The following VWC2L variants were observed in gnomAD, a reference collection of about 807,000 sequenced individuals.
VWC2L encodes von Willebrand factor C domain containing 2 like.
In VWC2L, 10 loss-of-function variants were observed where a neutral mutation model predicts 21.6. The ratio of observed to expected loss-of-function variants is 0.46; its 90% CI spans 0.29 to 0.78. The LOEUF (loss-of-function observed/expected upper bound fraction) is 0.78. VWC2L is among the 30% of genes least tolerant of loss of function. The pLI, the probability that VWC2L is intolerant of heterozygous loss-of-function variation, is 0.10. For missense variants in VWC2L, 209 were observed against 277.1 expected (o/e 0.75, Z 1.74); for synonymous variants, 96 against 94.3 (o/e 1.02, Z -0.10).
intron 3 of VWC2L, among the ~76,000 whole-genome samples, chr2:214,514,522 C>A (rs1220405785): frequency 6.6e-6 from 1 of 152,122 alleles, no homozygotes; most frequent in East Asian, 1.9e-4. Flanking sequence ...ATTTTTACAA[C>A]TAAATCCCAC....
intron 2 of VWC2L, among the ~76,000 whole-genome samples, chr2:214,426,812 A>G: frequency 6.6e-6 from 1 of 152,202 alleles, no homozygotes; most frequent in East Asian, 1.9e-4. Context: ...TATTTCCTAT[A>G]TTGTTGAATG....
In VWC2L at chr2:214,414,158, T is replaced by C. The variant is rs1215891957; in HGVS notation, c.-36T>C. On this transcript the variant is annotated 5_prime_UTR_variant, in exon 2 of 4. Transcript: ENST00000312504. ...CATGGAAGGAGCTGAGTATATTTAA[T>C]ATTAGGAGCACATCCAGAAGTCTTT... The C allele has an allele frequency of 1.3e-6, 2 of 1,580,284 alleles. No individual in the cohort carries two copies. Among genetic ancestry groups the C allele is most frequent in the Non-Finnish European group, 1.7e-6 (2 of 1,171,612 alleles).
At chr2:214,545,903 T>C (rs1382649360) in intron 3 of VWC2L, among the ~76,000 whole-genome samples, 1 of 152,182 alleles carries the variant, frequency 6.6e-6, no homozygotes, top group Non-Finnish European at 1.5e-5. Context: ...GTTCAAATTT[T>C]ACACACTACA....
At chr2:214,417,181 A>C (rs937884550) in intron 2 of VWC2L, among the ~76,000 whole-genome samples, 8 of 152,142 alleles carry the variant, frequency 5.3e-5, no homozygotes, top group African/African-American at 1.7e-4. Context: ...TCAATTAGGG[A>C]GGTTGTATTA....
At chr2:214,477,406 T>C (rs1358193164) in intron 3 of VWC2L, among the ~76,000 whole-genome samples, 1 of 152,270 alleles carries the variant, frequency 6.6e-6, no homozygotes, top group African/African-American at 2.4e-5. Context: ...ATAGGACTTA[T>C]ATCTCTGGTA....
intron 3 of VWC2L, among the ~76,000 whole-genome samples, chr2:214,516,509 T>G (rs72943384): frequency 1.3e-5 from 2 of 152,200 alleles, no homozygotes; most frequent in East Asian, 3.8e-4. Context: ...AGAAAGCTAA[T>G]AGGCTCAATA....
intron 3 of VWC2L, among the ~76,000 whole-genome samples, chr2:214,481,965 A>G (rs1192391611): frequency 6.6e-6 from 1 of 152,214 alleles, no homozygotes; most frequent in Non-Finnish European, 1.5e-5. Flanking sequence ...AAGGAAGACA[A>G]TGCAATTAAC....
rs574473587 is a variant in VWC2L, at chr2:214,471,945, G to A, written c.520+35187G>A. Among the ~76,000 whole-genome samples the A allele has an allele frequency of 1.2e-4, 18 of 152,194 alleles. 1 individual carries two copies. Among genetic ancestry groups the A allele is most frequent in the South Asian group, 8.3e-4 (4 of 4,818 alleles). On this transcript the variant is annotated intron_variant, in intron 3 of 3. Transcript: ENST00000312504. ...CAAGGGCACCTGCCTTTAGGCCTAC[G>A]TAAATTAAGGGACTCAGACAATCTG...
intron 3 of VWC2L, among the ~76,000 whole-genome samples, chr2:214,538,802 A>C (rs936285068): frequency 2.0e-5 from 3 of 152,052 alleles, no homozygotes; most frequent in Non-Finnish European, 4.4e-5. Context: ...GTACTTTGTC[A>C]ATTTTAAGTT....
At chr2:214,533,345 A>T (rs1453226328) in intron 3 of VWC2L, among the ~76,000 whole-genome samples, 1 of 152,088 alleles carries the variant, frequency 6.6e-6, no homozygotes, top group Non-Finnish European at 1.5e-5. Context: ...TAATTGAACA[A>T]GCCTGCAGCT....
chr2:214,430,359 G>T (rs1000725941), intron 2 of VWC2L, among the ~76,000 whole-genome samples: 1 of 152,002 alleles, frequency 6.6e-6, no homozygotes, highest in Admixed American at 6.6e-5. Context: ...TAGTAGTACC[G>T]CCAGTTATTC....
chr2:214,493,075 T>TG (rs1460747550), intron 3 of VWC2L, among the ~76,000 whole-genome samples: 1 of 152,214 alleles, frequency 6.6e-6, no homozygotes, highest in African/African-American at 2.4e-5. Context: ...ATTCCTAATA[T>TG]GGGGTACACC....
At chr2:214,470,867 C>T (rs796547773) in intron 3 of VWC2L, among the ~76,000 whole-genome samples, 7 of 123,478 alleles carry the variant, frequency 5.7e-5, no homozygotes, top group African/African-American at 2.2e-4. Flanking sequence ...CAGTGAGCCA[C>T]GATTGTGCCA....
At chr2:214,551,473 T>G (rs1444773365) in intron 3 of VWC2L, among the ~76,000 whole-genome samples, 1 of 152,204 alleles carries the variant, frequency 6.6e-6, no homozygotes, top group Non-Finnish European at 1.5e-5. Context: ...TTAGACAAAT[T>G]ATTTGCAAAG....
intron 3 of VWC2L, among the ~76,000 whole-genome samples, chr2:214,489,899 T>G (rs1371581965): frequency 6.6e-6 from 1 of 152,114 alleles, no homozygotes; most frequent in Non-Finnish European, 1.5e-5. Context: ...AGAGAGAGAA[T>G]GAAGAAAGCA....
intron 2 of VWC2L, among the ~76,000 whole-genome samples, chr2:214,430,355 TA>T (rs1260209082): frequency 6.6e-6 from 1 of 152,214 alleles, no homozygotes; most frequent in East Asian, 1.9e-4. Context: ...ATTATAGTAG[TA>T]CCGCCAGTTA....
At chr2:214,445,325 G>C (rs1702822819) in intron 3 of VWC2L, among the ~76,000 whole-genome samples, 1 of 151,594 alleles carries the variant, frequency 6.6e-6, no homozygotes, top group Admixed American at 6.6e-5. Flanking sequence ...CAACAATTTG[G>C]AAAAACTGAA....
chr2:214,442,704 AT>A (rs1702779408), intron 3 of VWC2L, among the ~76,000 whole-genome samples: 1 of 152,022 alleles, frequency 6.6e-6, no homozygotes, highest in South Asian at 2.1e-4. Flanking sequence ...TCCTAATTTT[AT>A]TGAAATTTTT....
At chr2:214,525,799 C>G (rs13417516) in intron 3 of VWC2L, among the ~76,000 whole-genome samples, 27,109 of 152,048 alleles carry the variant, frequency 0.18, 2,504 homozygotes, top group East Asian at 0.25. Context: ...ATTGAAGGAA[C>G]CTTTTGCTTT....
Sources: gnomAD v4.1 joint callset for allele counts (sites outside exome capture counted in the v4.1 genomes callset) on GRCh38, gnomAD v4.1.1 for gene constraint, MANE v1.5 for transcripts, NCBI Gene and HGNC (gene_info 2026-07-23, HGNC 2026-07-21) for gene names.